The following ZNF529 variants were observed in gnomAD, a reference collection of about 807,000 sequenced individuals.
ZNF529 encodes zinc finger protein 529.
In ZNF529, 11 loss-of-function variants were observed where a neutral mutation model predicts 10.1. The observed-to-expected ratio is 1.09, with a 90% CI of 0.69 to 1.81. The LOEUF (loss-of-function observed/expected upper bound fraction) is 1.81. ZNF529 is among the 40% of genes most tolerant of loss of function. ZNF529 has a pLI of 0.00. For missense variants in ZNF529, 624 were observed against 666.8 expected, an observed-to-expected ratio of 0.94 and a Z score of 0.71; for synonymous variants, 204 against 215.7, an observed-to-expected ratio of 0.95 and a Z score of 0.47.
intron 3 of ZNF529, 123 bp from the exon 4 acceptor site, chr19:36,554,919 T>C: frequency 7.5e-6 from 6 of 796,432 alleles, no homozygotes; most frequent in Non-Finnish European, 1.0e-5. Flanking sequence ...AAGAAGACTG[T>C]GACATGGGAA....
In ZNF529 at chr19:36,543,877, A is replaced by C. The variant is rs1050669403; in HGVS notation, c.*2989T>G. The stretch of plus-strand genomic sequence containing the variant: ...GCAGGTTAAGGGGTGAATTCTGGCA[A>C]GTTGGAGTTGGGGTGGGGGGTGGCG... On this transcript the variant is annotated 3_prime_UTR_variant, in exon 5 of 5. Transcript: ENST00000591340. 3 of 151,530 alleles carry C rather than the reference A, an allele frequency of 2.0e-5. No individual in the cohort carries two copies. Among genetic ancestry groups the C allele is most frequent in the Non-Finnish European group, 4.4e-5 (3 of 67,868 alleles). The allele number at this position is 151,530 out of a possible 1,614,324, so 9.4% of individuals were successfully genotyped here. A position where few individuals can be genotyped will look rare whatever the true frequency, so the allele number is the denominator to read the frequency against.
At chr19:36,572,234 A>G in intron 2 of ZNF529, 99 bp downstream of exon 2, 1 of 1,265,962 alleles carries the variant, frequency 7.9e-7, no homozygotes, top group Non-Finnish European at 1.1e-6. Flanking sequence ...GGCATTTGGA[A>G]AGGCAATGGA....
intron 4 of ZNF529, among the ~76,000 whole-genome samples, chr19:36,553,150 G>T (rs1056578123): frequency 6.6e-6 from 1 of 151,998 alleles, no homozygotes; most frequent in African/African-American, 2.4e-5. Context: ...TTATGAGATG[G>T]AGTCTTGCCC....
chr19:36,547,399 T>C lies in ZNF529; in HGVS notation c.1159A>G (p.Ile387Val). The C allele has an allele frequency of 6.2e-7, 1 of 1,613,986 alleles. No homozygotes were observed. The highest frequency in any genetic ancestry group is 8.5e-7 in the Non-Finnish European group (1 of 1,179,924). The change falls in exon 5 of 5, where the codon ATT becomes GTT. Residue 387 changes from isoleucine (I) to valine (V), a missense_variant. Transcript: ENST00000591340. ...VCRELARHQRIHTGKKPYECK... is the reference protein window; with the variant it reads ...VCRELARHQRVHTGKKPYECK... ...TCATAGGGTTTCTTACCAGTATGAA[T>C]TCTCTGATGACGAGCAAGTTCTCTA...
At chr19:36,560,208 G>C (rs1020822814) in intron 2 of ZNF529, among the ~76,000 whole-genome samples, 3 of 138,310 alleles carry the variant, frequency 2.2e-5, no homozygotes, top group African/African-American at 8.0e-5. Flanking sequence ...GGTGAGCCGA[G>C]ATCACGCCAT....
chr19:36,570,392 A>T (rs2036060794), intron 2 of ZNF529, among the ~76,000 whole-genome samples: 2 of 151,680 alleles, frequency 1.3e-5, no homozygotes, highest in Non-Finnish European at 2.9e-5. Context: ...GAAAAGAAAA[A>T]AGAAAAAAGA....
chr19:36,548,108 G>A lies in ZNF529; in HGVS notation c.450C>T (p.Pro150=). The A allele has an allele frequency of 6.2e-7, 1 of 1,613,810 alleles. No homozygotes were observed. The highest frequency in any genetic ancestry group is 8.5e-7 in the Non-Finnish European group (1 of 1,179,846). ...TAAGAGATTCATGAGTTTTGTAACT[G>A]GGCACATTTTCAGAGATGATTTTCA... is the stretch of plus-strand genomic sequence containing the variant. ...SQMKIISENV[P]SYKTHESLTL... Residue 150 remains proline (P), a synonymous_variant, in exon 5 of 5, where the codon CCC becomes CCT. Transcript: ENST00000591340.
intron 1 of ZNF529, chr19:36,593,908 C>T (rs561214411): frequency 3.9e-4 from 60 of 152,190 alleles, no homozygotes; most frequent in African/African-American, 1.4e-3. Context: ...TGAGATGTGC[C>T]TCTCAGCTTC....
At chr19:36,576,958 CTTT>C (rs759716467), upstream of ZNF529, among the ~76,000 whole-genome samples, 10 of 135,984 alleles carry the variant, frequency 7.4e-5, no homozygotes, top group Admixed American at 1.5e-4. Flanking sequence ...TTTCTTTTTT[CTTT>C]TTTTTTTTTT....
intron 2 of ZNF529, among the ~76,000 whole-genome samples, chr19:36,571,210 C>T (rs1323881846): frequency 3.3e-5 from 5 of 152,066 alleles, no homozygotes; most frequent in Non-Finnish European, 5.9e-5. Flanking sequence ...CAAATTGAGA[C>T]ATGCAATAAC....
At chr19:36,587,853 A>C (rs2036615310) in intron 2 of ZNF529, among the ~76,000 whole-genome samples, 1 of 152,204 alleles carries the variant, frequency 6.6e-6, no homozygotes, top group Non-Finnish European at 1.5e-5. Flanking sequence ...GCTGGAGGGC[A>C]TGGGGGTTTG....
At chr19:36,593,041 C>A (rs3108601) in intron 1 of ZNF529, among the ~76,000 whole-genome samples, 51,985 of 151,950 alleles carry the variant, frequency 0.34, 9,511 homozygotes, top group African/African-American at 0.49. Flanking sequence ...GGCAACAATG[C>A]CTATCTATGA....
intron 1 of ZNF529, among the ~76,000 whole-genome samples, chr19:36,594,883 T>C (rs1365023779): frequency 7.2e-6 from 1 of 138,460 alleles, no homozygotes; most frequent in African/African-American, 2.7e-5. Context: ...TTTTCTTTTT[T>C]CTTTTTTTTT....
chr19:36,590,635 T>C (rs1274338608), intron 1 of ZNF529, among the ~76,000 whole-genome samples: 2 of 151,986 alleles, frequency 1.3e-5, no homozygotes, highest in African/African-American at 2.4e-5. Flanking sequence ...ATCAACAAAA[T>C]TGATAAAACC....
intron 2 of ZNF529, among the ~76,000 whole-genome samples, chr19:36,560,911 T>C (rs917849552): frequency 2.0e-5 from 3 of 152,210 alleles, no homozygotes; most frequent in Non-Finnish European, 2.9e-5. Flanking sequence ...AAGCAAAATA[T>C]AGAGATTTGA....
chr19:36,602,184 A>T (rs2145297977), intron 1 of ZNF529, among the ~76,000 whole-genome samples: 1 of 151,904 alleles, frequency 6.6e-6, no homozygotes, highest in South Asian at 2.1e-4. Flanking sequence ...AGTAGCTGGG[A>T]TTACAGGCAT....
intron 2 of ZNF529, among the ~76,000 whole-genome samples, chr19:36,561,406 A>C: frequency 6.7e-6 from 1 of 148,816 alleles, no homozygotes; most frequent in African/African-American, 2.5e-5. Flanking sequence ...TTTTTGAGAC[A>C]GACTCTCACT....
chr19:36,596,057 C>CTTTTT (rs61695534), intron 1 of ZNF529, among the ~76,000 whole-genome samples: 1 of 68,618 alleles, frequency 1.5e-5, no homozygotes. Context: ...TCCTGAAGCT[C>CTTTTT]TTTTTTTTTT....
At chr19:36,573,372 G>C (rs2036219951), upstream of ZNF529, 2 of 460,026 alleles carry the variant, frequency 4.3e-6, no homozygotes, top group African/African-American at 2.0e-5. Context: ...CAACGAAAGA[G>C]CCCTGAAGCT....
Sources: allele counts gnomAD v4.1 joint callset (sites outside exome capture counted in the v4.1 genomes callset), GRCh38; gene constraint gnomAD v4.1.1; transcripts MANE v1.5; gene names NCBI Gene and HGNC (gene_info 2026-07-23, HGNC 2026-07-21).